EPC1: variants seen among roughly 807,000 people sequenced by gnomAD.
EPC1 encodes enhancer of polycomb 1, also known as enhancer of polycomb homolog 1.
EPC1 carries 12 observed loss-of-function variants against 98.4 expected under a neutral mutation model. That is an observed-to-expected ratio of 0.12 (90% CI 0.08 to 0.20). EPC1 has a LOEUF of 0.20. EPC1 is among the 10% of genes least tolerant of loss of function. The pLI is 1.00. For missense variants in EPC1, 729 were observed against 990.5 expected (o/e 0.74, Z 3.54); for synonymous variants, 357 against 363.9 (o/e 0.98, Z 0.21).
At chr10:32,350,366 G>C, upstream of EPC1, among the ~76,000 whole-genome samples, 1 of 152,366 alleles carries the variant, frequency 6.6e-6, no homozygotes, top group East Asian at 1.9e-4. Context: ...TCAGAAAAGA[G>C]AGCAGTAGGT....
intron 1 of EPC1, among the ~76,000 whole-genome samples, chr10:32,361,808 T>C (rs1839451369): frequency 6.6e-6 from 1 of 152,212 alleles, no homozygotes; most frequent in African/African-American, 2.4e-5. Context: ...CCTACTGGGC[T>C]GCATTCCCAG....
intron 1 of EPC1, among the ~76,000 whole-genome samples, chr10:32,352,838 A>G (rs1389013665): frequency 2.0e-5 from 3 of 152,122 alleles, no homozygotes; most frequent in African/African-American, 7.2e-5. Context: ...CAGGAAGCTG[A>G]TAAGAGGCAG....
chr10:32,348,796 C>G (rs555875790), upstream of EPC1, among the ~76,000 whole-genome samples: 172 of 152,266 alleles, frequency 1.1e-3, 1 homozygote, highest in African/African-American at 3.9e-3. Flanking sequence ...AACTGCCACA[C>G]GGCGAGCTAA....
chr10:32,346,738 G>T lies in EPC1; in HGVS notation c.153+25C>A, dbSNP rs200043353. The T allele has an allele frequency of 1.2e-5, 20 of 1,605,856 alleles. No individual in the cohort carries two copies. The Admixed American group carries it at 3.3e-4, about 27-fold the overall frequency. ...GCAGAGGGAGCGGGCCTGACGGTGG[G>T]TCGGACAGGGGAGTTAACACGTACC... On this transcript the variant is annotated intron_variant, in intron 1 of 13. Coordinates refer to ENST00000319778, the MANE Select transcript of EPC1 (RefSeq NM_001272004.3).
chr10:32,329,747 G>A (rs1837528764), intron 1 of EPC1, among the ~76,000 whole-genome samples: 1 of 152,198 alleles, frequency 6.6e-6, no homozygotes. Context: ...GAGGCATTAA[G>A]CTCCAATGCT....
upstream of EPC1, chr10:32,347,233 A>T (rs1158047422): frequency 4.9e-6 from 6 of 1,215,264 alleles, no homozygotes; most frequent in African/African-American, 3.1e-5. Context: ...GGGGGGAGGG[A>T]GCGCGGGCTC....
At chr10:32,322,336 C>A (rs79578760) in intron 1 of EPC1, among the ~76,000 whole-genome samples, 23,452 of 151,868 alleles carry the variant, frequency 0.15, 2,090 homozygotes, top group South Asian at 0.33. Flanking sequence ...ATAATATAAT[C>A]TTTTTACAGA....
chr10:32,321,924 C>T (rs941518980), intron 1 of EPC1, among the ~76,000 whole-genome samples: 3 of 151,728 alleles, frequency 2.0e-5, no homozygotes, highest in African/African-American at 7.3e-5. Context: ...TGATCAACAG[C>T]ATCCTAGGTA....
At chr10:32,293,217 AT>A in intron 3 of EPC1, 23 bp from the exon 4 acceptor site, 2 of 1,543,456 alleles carry the variant, frequency 1.3e-6, no homozygotes, top group Non-Finnish European at 1.8e-6. Context: ...CCATTATGTC[AT>A]TTTCATACAA....
At chr10:32,278,936 C>G (rs1836250185) in intron 10 of EPC1, among the ~76,000 whole-genome samples, 1 of 152,096 alleles carries the variant, frequency 6.6e-6, no homozygotes, top group Non-Finnish European at 1.5e-5. Context: ...TCAAATATTC[C>G]TCTTAGTGTG....
intron 1 of EPC1, chr10:32,345,718 T>C: frequency 1.3e-6 from 1 of 762,062 alleles, no homozygotes; most frequent in Non-Finnish European, 1.6e-6. Context: ...TGTCTATTAG[T>C]TGTCAACATT....
intron 2 of EPC1, among the ~76,000 whole-genome samples, chr10:32,297,948 C>G (rs1229227885): frequency 6.6e-6 from 1 of 152,144 alleles, no homozygotes; most frequent in Non-Finnish European, 1.5e-5. Flanking sequence ...CAGGCGCCCG[C>G]CACCACACCC....
chr10:32,309,583 C>T (rs140065026), intron 1 of EPC1, among the ~76,000 whole-genome samples: 225 of 150,470 alleles, frequency 1.5e-3, no homozygotes, highest in African/African-American at 5.2e-3. Flanking sequence ...GGGCTGGGCA[C>T]GGTGGCTCAC....
chr10:32,355,920 C>G (rs1214897558), intron 1 of EPC1, among the ~76,000 whole-genome samples: 1 of 152,124 alleles, frequency 6.6e-6, no homozygotes, highest in African/African-American at 2.4e-5. Flanking sequence ...CAGTGCCTTA[C>G]ACTTTTGAGT....
chr10:32,359,054 C>T (rs1163845503), intron 1 of EPC1, among the ~76,000 whole-genome samples: 1 of 152,136 alleles, frequency 6.6e-6, no homozygotes, highest in Non-Finnish European at 1.5e-5. Context: ...AGTTCTCTGA[C>T]CATAGAACCC....
intron 2 of EPC1, among the ~76,000 whole-genome samples, chr10:32,303,689 G>A (rs1044338840): frequency 6.6e-6 from 1 of 152,232 alleles, no homozygotes; most frequent in Non-Finnish European, 1.5e-5. Context: ...GGCATCTGCT[G>A]GTGATGGTGC....
At chr10:32,345,211 GA>G in intron 1 of EPC1, 2 of 985,140 alleles carry the variant, frequency 2.0e-6, no homozygotes, top group Non-Finnish European at 2.4e-6. Context: ...AATAAATTAA[GA>G]GGTAGTGTCT....
At chr10:32,288,419 A>G (rs573254425) in intron 6 of EPC1, among the ~76,000 whole-genome samples, 1 of 147,094 alleles carries the variant, frequency 6.8e-6, no homozygotes, top group African/African-American at 2.5e-5. Context: ...GGTTCAAGTG[A>G]TTCTCCTGCC....
intron 6 of EPC1, among the ~76,000 whole-genome samples, chr10:32,287,809 T>G (rs984038895): frequency 3.9e-5 from 6 of 152,210 alleles, no homozygotes; most frequent in Non-Finnish European, 7.3e-5. Context: ...ATTTGTGGGC[T>G]GAACAATGTA....
Sources: allele counts gnomAD v4.1 joint callset (sites outside exome capture counted in the v4.1 genomes callset), GRCh38; gene constraint gnomAD v4.1.1; transcripts MANE v1.5; gene names NCBI Gene and HGNC (gene_info 2026-07-23, HGNC 2026-07-21).